The following ROBO2 variants were observed in gnomAD, a reference collection of about 807,000 sequenced individuals.
The protein encoded by ROBO2 is roundabout homolog 2.
A neutral mutation model predicts 160.8 loss-of-function variants in ROBO2; 53 were observed. The observed-to-expected ratio is 0.33, with a 90% CI of 0.26 to 0.41. The LOEUF (loss-of-function observed/expected upper bound fraction) is 0.41. Among genes scored for constraint, ROBO2 ranks in the 10% least tolerant of loss-of-function variants. The pLI is 1.00. For synonymous variants in ROBO2, 664 were observed against 611.7 expected, an observed-to-expected ratio of 1.09 and a Z score of -1.26; for missense variants, 1,577 against 1,722.4, an observed-to-expected ratio of 0.92 and a Z score of 1.49.
intron 2 of ROBO2, among the ~76,000 whole-genome samples, chr3:76,143,111 C>T (rs1333507248): frequency 6.6e-6 from 1 of 151,978 alleles, no homozygotes; most frequent in Non-Finnish European, 1.5e-5. Flanking sequence ...ACAGCATCCT[C>T]GAACTCCCTG....
intron 6 of ROBO2, among the ~76,000 whole-genome samples, chr3:77,533,321 A>G (rs1259028248): frequency 6.6e-6 from 1 of 151,950 alleles, no homozygotes; most frequent in African/African-American, 2.4e-5. Flanking sequence ...TCAGTTTTCT[A>G]TTGTTGCATA....
chr3:76,969,311 G>T lies in ROBO2; in HGVS notation c.110-128703G>T, dbSNP rs577950939. Among the ~76,000 whole-genome samples, 6 of 152,292 alleles carry T rather than the reference G, an allele frequency of 3.9e-5. No individual in the cohort carries two copies. The South Asian group carries it at 1.2e-3, about 32-fold the overall frequency. On this transcript the variant is annotated intron_variant, in intron 2 of 26. Transcript: ENST00000487694. ...CTAATTGAAATACCAGGCCCCTTTTGTGTGACTATGGCTTCTCTCATTATA... is the reference window on the plus strand; with the variant it reads ...CTAATTGAAATACCAGGCCCCTTTTTTGTGACTATGGCTTCTCTCATTATA...
At chr3:77,218,086 T>G in intron 2 of ROBO2, among the ~76,000 whole-genome samples, 1 of 152,152 alleles carries the variant, frequency 6.6e-6, no homozygotes, top group East Asian at 1.9e-4. Flanking sequence ...AAATTATGAG[T>G]CATAGTTTAG....
intron 2 of ROBO2, among the ~76,000 whole-genome samples, chr3:76,856,627 C>T (rs190263312): frequency 1.1e-4 from 17 of 152,308 alleles, no homozygotes; most frequent in African/African-American, 4.1e-4. Flanking sequence ...GCAACATCCC[C>T]AGAAAACTTC....
rs563868151 is a variant in ROBO2 at position 76,026,062 on chromosome 3, G to T, written c.109+88460G>T. 7.2e-5 allele frequency among the ~76,000 whole-genome samples: 11 copies of T among 151,956 alleles called. No homozygotes were observed. The South Asian group carries it at 2.3e-3, about 31-fold the overall frequency. On this transcript the variant is annotated intron_variant, in intron 2 of 26. Transcript: ENST00000487694. ...TGACAGAGTTTTTGGTTTTTAAATT[G>T]ATGACCATGATTAATTTCTCTTTTG... is the stretch of plus-strand genomic sequence containing the variant.
chr3:77,092,372 G>A (rs1439148008), intron 1 of ROBO2, among the ~76,000 whole-genome samples: 5 of 151,696 alleles, frequency 3.3e-5, no homozygotes, highest in Non-Finnish European at 1.5e-5. Flanking sequence ...GCACATTTTG[G>A]ATTAAAGGTC....
At chr3:77,276,054 T>C (rs2059802789) in intron 2 of ROBO2, among the ~76,000 whole-genome samples, 1 of 152,188 alleles carries the variant, frequency 6.6e-6, no homozygotes, top group Non-Finnish European at 1.5e-5. Context: ...TTATGTAGCT[T>C]GGATTTGTTT....
chr3:76,577,613 T>C (rs1036786412), intron 2 of ROBO2, among the ~76,000 whole-genome samples: 2 of 152,140 alleles, frequency 1.3e-5, no homozygotes, highest in Non-Finnish European at 2.9e-5. Context: ...CACCACAACA[T>C]GAGTAAGTGC....
intron 2 of ROBO2, among the ~76,000 whole-genome samples, chr3:77,453,924 A>G (rs192504099): frequency 1.2e-4 from 19 of 152,268 alleles, no homozygotes; most frequent in African/African-American, 2.9e-4. Context: ...TAGAAGATTG[A>G]AACATTTCTG....
chr3:76,624,753 G>A (rs6548438), intron 2 of ROBO2, among the ~76,000 whole-genome samples: 107,721 of 141,092 alleles, frequency 0.76, 41,121 homozygotes, highest in South Asian at 0.91. Flanking sequence ...AACTGAGATC[G>A]CGCTATTCTT....
intron 2 of ROBO2, among the ~76,000 whole-genome samples, chr3:76,088,530 C>T (rs1356470508): frequency 2.0e-5 from 3 of 151,834 alleles, no homozygotes; most frequent in South Asian, 2.1e-4. Flanking sequence ...TATCAGAGTA[C>T]AATGGAATTA....
At chr3:77,633,133 T>C (rs2095200569) in intron 23 of ROBO2, 1 of 152,294 alleles carries the variant, frequency 6.6e-6, no homozygotes. Context: ...GTCTTACCAG[T>C]TCAAATAGCT....
At chr3:76,460,317 CAAAAG>C (rs1293170964) in intron 2 of ROBO2, among the ~76,000 whole-genome samples, 1 of 151,964 alleles carries the variant, frequency 6.6e-6, no homozygotes, top group Admixed American at 6.6e-5. Context: ...TTAACATACT[CAAAAG>C]AAAAAGAAGC....
chr3:76,141,159 C>CTCTCTCTA (rs1364431015), intron 2 of ROBO2, among the ~76,000 whole-genome samples: 1 of 9,172 alleles, frequency 1.1e-4, no homozygotes, highest in East Asian at 7.6e-3. Flanking sequence ...CTCTCTCTCT[C>CTCTCTCTA]TATATATATA....
chr3:76,179,748 T>G, intron 2 of ROBO2, among the ~76,000 whole-genome samples: 1 of 152,168 alleles, frequency 6.6e-6, no homozygotes, highest in East Asian at 1.9e-4. Context: ...CCTCACTTTC[T>G]CAGAGATGTA....
rs116280673 is a variant in ROBO2 at position 76,682,114 on chromosome 3, T to G, written c.110-415900T>G. Among the ~76,000 whole-genome samples the G allele has an allele frequency of 2.7e-3, 407 of 152,224 alleles. 2 individuals carry two copies. The highest frequency in any genetic ancestry group is 9.4e-3 in the African/African-American group (389 of 41,562). ...GACACATTGCGGAAATATTTTTGTA[T>G]GTGGTATTCATGTGAGTTGCAGATG... is the stretch of plus-strand genomic sequence containing the variant. On this transcript the variant is annotated intron_variant, in intron 2 of 26. Transcript: ENST00000487694.
intron 2 of ROBO2, among the ~76,000 whole-genome samples, chr3:76,664,061 A>T (rs1375098938): frequency 6.6e-6 from 1 of 152,164 alleles, no homozygotes; most frequent in Non-Finnish European, 1.5e-5. Context: ...GGCAAAAGGG[A>T]CCAGATTTTA....
chr3:76,545,615 CT>C (rs1406771623), intron 2 of ROBO2, among the ~76,000 whole-genome samples: 1 of 151,812 alleles, frequency 6.6e-6, no homozygotes, highest in African/African-American at 2.4e-5. Context: ...AACTTTGACT[CT>C]CGTGAAATAT....
At chr3:76,068,115 C>T (rs28450302) in intron 2 of ROBO2, among the ~76,000 whole-genome samples, 16,415 of 152,044 alleles carry the variant, frequency 0.11, 1,054 homozygotes, top group Non-Finnish European at 0.14. Flanking sequence ...TGAGCAAAGA[C>T]GCAAAGGAAC....
Sources: allele counts gnomAD v4.1 joint callset (sites outside exome capture counted in the v4.1 genomes callset), GRCh38; gene constraint gnomAD v4.1.1; transcripts MANE v1.5; gene names NCBI Gene and HGNC (gene_info 2026-07-23, HGNC 2026-07-21).